The following OPCML variants were observed in gnomAD, a reference collection of about 807,000 sequenced individuals.
OPCML encodes the protein opioid binding protein/cell adhesion molecule like.
In OPCML, 13 loss-of-function variants were observed where a neutral mutation model predicts 37.8. The ratio of observed to expected loss-of-function variants is 0.34; its 90% confidence interval spans 0.22 to 0.55. The LOEUF (loss-of-function observed/expected upper bound fraction) is 0.55. OPCML is among the 20% of genes least tolerant of loss of function. The pLI, the probability that OPCML is intolerant of heterozygous loss-of-function variation, is 0.91. For missense variants in OPCML, 341 were observed against 435.6 expected (o/e 0.78, Z 1.93); for synonymous variants, 176 against 168.8 (o/e 1.04, Z -0.33).
intron 4 of OPCML, among the ~76,000 whole-genome samples, chr11:132,504,889 T>A (rs2096253166): frequency 6.6e-6 from 1 of 151,840 alleles, no homozygotes; most frequent in African/African-American, 2.4e-5. Context: ...CCCCCTGGAG[T>A]CTACCCTCAT....
intron 1 of OPCML, among the ~76,000 whole-genome samples, chr11:132,979,906 G>A (rs963703969): frequency 6.6e-6 from 1 of 152,188 alleles, no homozygotes; most frequent in African/African-American, 2.4e-5. Flanking sequence ...GAATGAAAGG[G>A]TGAAGAGTGT....
At chr11:132,969,044 G>A (rs1435928277) in intron 1 of OPCML, among the ~76,000 whole-genome samples, 2 of 151,826 alleles carry the variant, frequency 1.3e-5, no homozygotes, top group African/African-American at 4.8e-5. Flanking sequence ...GTGGTATCTG[G>A]TTACCATCAC....
rs531980470 is a variant in OPCML at position 132,628,435 on chromosome 11, C to A, written c.379+28652G>T. On this transcript the variant is annotated intron_variant, in intron 3 of 7. Coordinates refer to ENST00000524381, the MANE Select transcript of OPCML (RefSeq NM_001012393.5). Reference sequence around the variant, plus strand: ...TGTCTTTATTTTCTTTATTCTGATGCTTTGGCATCTGGGGTCTTGCTGACC... The same window carrying A: ...TGTCTTTATTTTCTTTATTCTGATGATTTGGCATCTGGGGTCTTGCTGACC... 2.6e-5 allele frequency among the ~76,000 whole-genome samples: 4 copies of A among 152,252 alleles called. No individual in the cohort carries two copies. The South Asian group carries it at 8.3e-4, about 32-fold the overall frequency.
intron 2 of OPCML, among the ~76,000 whole-genome samples, chr11:132,852,404 T>C (rs1383226137): frequency 3.3e-5 from 5 of 152,274 alleles, no homozygotes; most frequent in Non-Finnish European, 7.4e-5. Context: ...GCAGACCCCA[T>C]GGGGTCCCTG....
At chr11:133,254,839 G>C (rs1181397910) in intron 1 of OPCML, among the ~76,000 whole-genome samples, 1 of 152,082 alleles carries the variant, frequency 6.6e-6, no homozygotes, top group Non-Finnish European at 1.5e-5. Flanking sequence ...TACTTTGTCA[G>C]GTAGCAGGGG....
intron 2 of OPCML, among the ~76,000 whole-genome samples, chr11:132,870,928 C>T (rs1001313934): frequency 1.3e-5 from 2 of 152,034 alleles, no homozygotes; most frequent in South Asian, 2.1e-4. Context: ...ACATGTTGTT[C>T]AAAGGACAGA....
chr11:133,062,074 C>T (rs1385993242), intron 1 of OPCML, among the ~76,000 whole-genome samples: 1 of 152,188 alleles, frequency 6.6e-6, no homozygotes, highest in East Asian at 1.9e-4. Flanking sequence ...GTTAGCCTGG[C>T]CTAAGCTCTG....
At chr11:132,652,741 G>A (rs926933763) in intron 3 of OPCML, among the ~76,000 whole-genome samples, 1 of 152,110 alleles carries the variant, frequency 6.6e-6, no homozygotes, top group South Asian at 2.1e-4. Context: ...GTCACATCGA[G>A]GACCCTCTCC....
chr11:132,487,813 AT>A (rs771197316), intron 4 of OPCML, among the ~76,000 whole-genome samples: 14 of 152,244 alleles, frequency 9.2e-5, no homozygotes, highest in Non-Finnish European at 1.8e-4. Flanking sequence ...ACGATTGGCC[AT>A]GATTCTTATC....
At chr11:132,709,363 A>C (rs1245946856) in intron 2 of OPCML, among the ~76,000 whole-genome samples, 10 of 152,216 alleles carry the variant, frequency 6.6e-5, no homozygotes, top group African/African-American at 2.4e-4. Context: ...CATCTTTAAA[A>C]ACCATGGTAC....
intron 1 of OPCML, among the ~76,000 whole-genome samples, chr11:133,493,894 C>A (rs943259936): frequency 6.6e-6 from 1 of 151,730 alleles, no homozygotes; most frequent in Non-Finnish European, 1.5e-5. Context: ...TTCTGCACAG[C>A]GAAAGAAACT....
intron 1 of OPCML, chr11:133,365,888 AT>A (rs1944529081): frequency 3.3e-5 from 5 of 152,204 alleles, no homozygotes; most frequent in Admixed American, 3.3e-4. Context: ...TTACAACCCA[AT>A]GGCAAAAAAA....
intron 1 of OPCML, among the ~76,000 whole-genome samples, chr11:133,264,880 T>G (rs897200020): frequency 9.2e-5 from 14 of 152,150 alleles, no homozygotes; most frequent in African/African-American, 3.4e-4. Flanking sequence ...GGTTCTAATA[T>G]TTGCTGCACG....
At chr11:132,944,268 G>A (rs1381018182) in intron 1 of OPCML, among the ~76,000 whole-genome samples, 1 of 152,200 alleles carries the variant, frequency 6.6e-6, no homozygotes, top group African/African-American at 2.4e-5. Context: ...AACTGACACT[G>A]GCACCTTCCC....
chr11:132,923,396 G>T (rs2659624), intron 2 of OPCML, among the ~76,000 whole-genome samples: 1 of 151,888 alleles, frequency 6.6e-6, no homozygotes, highest in Non-Finnish European at 1.5e-5. Flanking sequence ...ACGCCCAGCC[G>T]GGCTTGGAAG....
chr11:132,842,869 C>T (rs61906889), intron 2 of OPCML, among the ~76,000 whole-genome samples: 5 of 152,028 alleles, frequency 3.3e-5, no homozygotes, highest in African/African-American at 9.7e-5. Context: ...GGTGATGCTA[C>T]GACACTGAAG....
chr11:133,271,958 A>T (rs1361468786), intron 1 of OPCML, among the ~76,000 whole-genome samples: 7 of 152,228 alleles, frequency 4.6e-5, no homozygotes, highest in Non-Finnish European at 8.8e-5. Flanking sequence ...GATGCAAACT[A>T]ATTAAAATGA....
intron 2 of OPCML, among the ~76,000 whole-genome samples, chr11:132,870,158 A>T (rs945615596): frequency 2.0e-5 from 3 of 152,188 alleles, no homozygotes; most frequent in African/African-American, 7.2e-5. Context: ...ACATTGGGAG[A>T]ATTTAAGTAA....
At chr11:132,937,596 GTGTGTGTGTGT>G (rs1945431101) in intron 2 of OPCML, among the ~76,000 whole-genome samples, 1 of 85,672 alleles carries the variant, frequency 1.2e-5, no homozygotes, top group African/African-American at 5.0e-5. Flanking sequence ...CGTGTGTGGG[GTGTGTGTGTGT>G]GTGTGTGTGT....
Sources: allele counts gnomAD v4.1 joint callset (sites outside exome capture counted in the v4.1 genomes callset), GRCh38; gene constraint gnomAD v4.1.1; transcripts MANE v1.5; gene names NCBI Gene and HGNC (gene_info 2026-07-23, HGNC 2026-07-21).